SHROOM3: variants seen among roughly 807,000 people sequenced by gnomAD.
SHROOM3 encodes shroom family member 3.
SHROOM3 carries 47 observed loss-of-function variants against 138.6 expected under a neutral mutation model. That is an observed-to-expected ratio of 0.34 (90% CI 0.27 to 0.43). The LOEUF (loss-of-function observed/expected upper bound fraction) is 0.43, where lower values mean the gene tolerates loss of function less well. SHROOM3 is among the 20% of genes least tolerant of loss of function. The pLI, the probability that SHROOM3 is intolerant of heterozygous loss-of-function variation, is 1.00. For missense variants in SHROOM3, 2,491 were observed against 2,596.5 expected (o/e 0.96, Z 0.88); for synonymous variants, 1,062 against 1,063.3 (o/e 1.00, Z 0.02).
At chr4:76,671,662 A>G (rs1718889844) in intron 2 of SHROOM3, among the ~76,000 whole-genome samples, 1 of 152,218 alleles carries the variant, frequency 6.6e-6, no homozygotes, top group Non-Finnish European at 1.5e-5. Flanking sequence ...GACAGATTTC[A>G]TCACACAGTT....
At chr4:76,718,251 AAG>A (rs375913298) in intron 3 of SHROOM3, among the ~76,000 whole-genome samples, 133 of 152,326 alleles carry the variant, frequency 8.7e-4, no homozygotes, top group African/African-American at 3.1e-3. Flanking sequence ...GAAAGTGAGT[AAG>A]AGAGAACGTT....
In SHROOM3 at chr4:76,435,904, A is replaced by G. The variant is rs1346419492; in HGVS notation, c.-149A>G. On this transcript the variant is annotated 5_prime_UTR_variant, in exon 1 of 11. Coordinates refer to ENST00000296043, the MANE Select transcript of SHROOM3 (RefSeq NM_020859.4). The stretch of plus-strand genomic sequence containing the variant: ...ATCTTGGAGTTCAGCTTGGAAGAAC[A>G]TTTTACGTATGGAAGAATTTGCTTC... The G allele has an allele frequency of 2.8e-6, 2 of 704,680 alleles. No homozygotes were observed. The allele number at this position is 704,680 out of a possible 1,614,324, so 43.7% of individuals were successfully genotyped here.
At position 76,639,635 on chromosome 4, in the gene SHROOM3, C is replaced by T. The variant is rs1212405130; in HGVS notation, c.324-70521C>T. 1.5e-5 allele frequency: 6 copies of T among 396,210 alleles called. No homozygotes were observed. The Admixed American group carries it at 1.8e-4, about 12-fold the overall frequency. The allele number at this position is 396,210 out of a possible 1,614,324, so 24.5% of individuals were successfully genotyped here. On this transcript the variant is annotated intron_variant, in intron 2 of 10. Coordinates refer to ENST00000296043, the MANE Select transcript of SHROOM3 (RefSeq NM_020859.4). ...TGGGACCCAAAACTCAAGAAGACAA[C>T]GAAACATGTAAGTGAGGGCTTCATG...
intron 2 of SHROOM3, among the ~76,000 whole-genome samples, chr4:76,704,272 GGTGTGTAGAA>G (rs1719985928): frequency 6.6e-6 from 1 of 152,190 alleles, no homozygotes; most frequent in African/African-American, 2.4e-5. Flanking sequence ...CTAGGCCTTG[GGTGTGTAGAA>G]GTTTCAAAAA....
At chr4:76,448,059 A>C (rs1223120766) in intron 1 of SHROOM3, among the ~76,000 whole-genome samples, 1 of 152,082 alleles carries the variant, frequency 6.6e-6, no homozygotes, top group Non-Finnish European at 1.5e-5. Context: ...TTTATATTTA[A>C]ATAAATAAAA....
chr4:76,560,590 C>A (rs1733578330), intron 2 of SHROOM3, among the ~76,000 whole-genome samples: 1 of 152,198 alleles, frequency 6.6e-6, no homozygotes, highest in Non-Finnish European at 1.5e-5. Context: ...ATTAATCCTT[C>A]ATTAATCAAA....
intron 1 of SHROOM3, among the ~76,000 whole-genome samples, chr4:76,503,502 C>T (rs918902695): frequency 3.9e-5 from 6 of 152,140 alleles, no homozygotes; most frequent in African/African-American, 1.4e-4. Context: ...GATCTCAGCT[C>T]ACTGTAACCT....
chr4:76,565,027 G>A (rs1471665387), intron 2 of SHROOM3, among the ~76,000 whole-genome samples: 1 of 151,938 alleles, frequency 6.6e-6, no homozygotes, highest in African/African-American at 2.4e-5. Context: ...CGGGTGTGGT[G>A]GTGGGTGCCT....
In SHROOM3 at chr4:76,738,886, C is replaced by G; in HGVS notation, c.713C>G (p.Ser238Cys). 1 of 1,614,232 alleles carries G rather than the reference C, an allele frequency of 6.2e-7. No individual in the cohort carries two copies. The highest frequency in any genetic ancestry group is 8.5e-7 in the Non-Finnish European group (1 of 1,180,046). The change falls in exon 5 of 11, where the codon TCC becomes TGC. Residue 238 changes from serine to cysteine, a missense_variant. This residue lies in a region of SHROOM3 where 284 missense variants were observed against 322.8 expected (regional missense o/e 0.88). Coordinates refer to ENST00000296043, the MANE Select transcript of SHROOM3 (RefSeq NM_020859.4). ...PSGAYPPCHLSPAKSTGSIDQ... is the reference protein window; with the variant it reads ...PSGAYPPCHLCPAKSTGSIDQ... Reference sequence around the variant, plus strand: ...GGGGCATACCCACCCTGTCATCTTTCCCCTGCCAAGTCCACCGGCAGCATT... The same window carrying G: ...GGGGCATACCCACCCTGTCATCTTTGCCCTGCCAAGTCCACCGGCAGCATT...
intron 2 of SHROOM3, among the ~76,000 whole-genome samples, chr4:76,697,740 C>T (rs1459628869): frequency 6.6e-6 from 1 of 152,056 alleles, no homozygotes; most frequent in East Asian, 1.9e-4. Context: ...AGCACAGGTG[C>T]CAATTGTAAT....
At chr4:76,726,541 T>TA (rs61455146) in intron 3 of SHROOM3, among the ~76,000 whole-genome samples, 2,465 of 90,804 alleles carry the variant, frequency 0.027, 110 homozygotes, top group African/African-American at 0.091. Context: ...CCCCTCCATC[T>TA]AAAAAAAAAA....
intron 6 of SHROOM3, among the ~76,000 whole-genome samples, chr4:76,750,005 T>C (rs906496950): frequency 6.6e-5 from 10 of 152,216 alleles, no homozygotes; most frequent in African/African-American, 2.4e-4. Flanking sequence ...AATCATTGTT[T>C]CTACATTCAC....
At chr4:76,521,506 A>G (rs1306837507) in intron 1 of SHROOM3, among the ~76,000 whole-genome samples, 1 of 152,244 alleles carries the variant, frequency 6.6e-6, no homozygotes, top group African/African-American at 2.4e-5. Flanking sequence ...CTATACAGTC[A>G]TCCTGATAAC....
At chr4:76,483,218 A>G (rs1397158900) in intron 1 of SHROOM3, among the ~76,000 whole-genome samples, 2 of 152,228 alleles carry the variant, frequency 1.3e-5, no homozygotes, top group Non-Finnish European at 2.9e-5. Context: ...CAGGCAACCT[A>G]CAGAATGAGA....
At chr4:76,748,937 C>G in intron 5 of SHROOM3, 80 bp from the exon 6 acceptor site, 1 of 1,346,414 alleles carries the variant, frequency 7.4e-7, no homozygotes, top group Middle Eastern at 1.9e-4. Context: ...GGTGTTCCTT[C>G]TCCTTTTTAC....
intron 1 of SHROOM3, among the ~76,000 whole-genome samples, chr4:76,440,766 C>T (rs1393355672): frequency 6.6e-6 from 1 of 152,184 alleles, no homozygotes; most frequent in Non-Finnish European, 1.5e-5. Context: ...AAGCACTCCT[C>T]CATCAGTGCT....
At chr4:76,491,250 G>T (rs1367076493) in intron 1 of SHROOM3, among the ~76,000 whole-genome samples, 1 of 152,226 alleles carries the variant, frequency 6.6e-6, no homozygotes, top group Non-Finnish European at 1.5e-5. Context: ...AAGATCTCCA[G>T]AGTAGTGTTA....
chr4:76,736,647 G>T (rs1224152550), intron 4 of SHROOM3, among the ~76,000 whole-genome samples: 1 of 152,062 alleles, frequency 6.6e-6, no homozygotes, highest in African/African-American at 2.4e-5. Context: ...AGAAAATCTT[G>T]GGCAAGAACT....
intron 1 of SHROOM3, among the ~76,000 whole-genome samples, chr4:76,548,621 T>C (rs1396779135): frequency 6.6e-6 from 1 of 152,220 alleles, no homozygotes; most frequent in Non-Finnish European, 1.5e-5. Flanking sequence ...GTTCAATAAA[T>C]GTTTACCGAT....
Sources: gnomAD v4.1 joint callset for allele counts (sites outside exome capture counted in the v4.1 genomes callset) on GRCh38, gnomAD v4.1.1 for gene constraint, gnomAD v4.1.1 regional missense constraint, MANE v1.5 for transcripts, NCBI Gene and HGNC (gene_info 2026-07-23, HGNC 2026-07-21) for gene names.